Variants in CCDC187 observed in about 807,000 individuals in gnomAD.
The protein encoded by CCDC187 is coiled-coil domain-containing protein 187.
Under a neutral mutation model 38.0 loss-of-function variants are expected in CCDC187, and 32 were observed. That is an observed-to-expected ratio of 0.84 (90% CI 0.64 to 1.13). CCDC187 has a LOEUF of 1.13. CCDC187 is among the 50% of genes most tolerant of loss of function. CCDC187 has a pLI of 0.00. For synonymous variants in CCDC187, 333 were observed against 347.9 expected (o/e 0.96, Z 0.48); for missense variants, 707 against 786.8 (o/e 0.90, Z 1.21).
chr9:136,263,527 C>T, intron 18 of CCDC187, 95 bp downstream of exon 18: 2 of 919,690 alleles, frequency 2.2e-6, no homozygotes, highest in Non-Finnish European at 2.6e-6. Context: ...AGACACCGCG[C>T]CCGGCCCACA....
At position 136,297,822 on chromosome 9, in the gene CCDC187, C is replaced by T; in HGVS notation, c.725-1G>A. 1 of 339,022 alleles carries T rather than the reference C, an allele frequency of 2.9e-6. No individual in the cohort carries two copies. The highest frequency in any genetic ancestry group is 5.3e-6 in the Non-Finnish European group (1 of 187,994). The allele number at this position is 339,022 out of a possible 1,614,324, so 21.0% of individuals were successfully genotyped here. ...ACCCTTTTGGGTTTTTCCCTCAGAA[C>T]TTCAGTGAGGAAGAGAAAGGAAGGG... On this transcript the variant is annotated splice_acceptor_variant, in intron 3 of 25. Transcript: ENST00000638797. LOFTEE classifies it high-confidence loss of function.
At chr9:136,261,653 C>T (rs1257811927) in intron 19 of CCDC187, among the ~76,000 whole-genome samples, 7 of 152,222 alleles carry the variant, frequency 4.6e-5, no homozygotes, top group South Asian at 4.1e-4. Context: ...AGCCAATGGC[C>T]GAGCCTGAGT....
In CCDC187 at chr9:136,253,683, T is replaced by TGGCG; in HGVS notation, c.6141_6144dup (p.Ile2049ArgfsTer12). The TGGCG allele has an allele frequency of 1.0e-6, 1 of 985,462 alleles. No individual in the cohort carries two copies. The highest frequency in any genetic ancestry group is 1.2e-6 in the Non-Finnish European group (1 of 829,958). The allele number at this position is 985,462 out of a possible 1,614,324, so 61.0% of individuals were successfully genotyped here. A position where few individuals can be genotyped will look rare whatever the true frequency, so the allele number is the denominator to read the frequency against. On this transcript the variant is annotated frameshift_variant, in exon 26 of 26. Transcript: ENST00000638797. LOFTEE classifies it low-confidence loss of function (END_TRUNC). ...AAGGAGGACAAATCCTGGGTGGTGA[T>TGGCG]GGCGGTGTCCTCCTCAAGGGGCCCC...
rs1554759262 is a variant in CCDC187, at chr9:136,250,898, C to G, written c.*2696G>C. ...CTGGAGAGGGGCTCTTGCCTCACGG[C>G]AGGGGGCCCAAAGAGGTTCTAAGGG... On this transcript the variant is annotated 3_prime_UTR_variant, in exon 26 of 26. Coordinates refer to ENST00000638797, the MANE Select transcript of CCDC187 (RefSeq NM_001378188.1). The G allele has an allele frequency of 1.6e-5, 7 of 451,586 alleles. No individual in the cohort carries two copies. The highest frequency in any genetic ancestry group is 7.1e-5 in the Admixed American group (3 of 42,416). The allele number at this position is 451,586 out of a possible 1,614,324, so 28.0% of individuals were successfully genotyped here.
In CCDC187 at chr9:136,299,452, G is replaced by A. The variant is rs1039985437; in HGVS notation, c.724+768C>T. Reference sequence around the variant, plus strand: ...CCTGTGCTGAGCCCGAAACGCCTCCGCTCCCAAGCTCCCCATCCTTCATTC... The same window carrying A: ...CCTGTGCTGAGCCCGAAACGCCTCCACTCCCAAGCTCCCCATCCTTCATTC... On this transcript the variant is annotated intron_variant, in intron 3 of 25. Coordinates refer to ENST00000638797, the MANE Select transcript of CCDC187 (RefSeq NM_001378188.1). Among the ~76,000 whole-genome samples, 9 of 152,246 alleles carry A rather than the reference G, an allele frequency of 5.9e-5. No homozygotes were observed. The East Asian group carries it at 1.4e-3, about 23-fold the overall frequency.
chr9:136,265,845 G>T, intron 17 of CCDC187, 111 bp downstream of exon 17: 1 of 490,008 alleles, frequency 2.0e-6, no homozygotes, highest in Non-Finnish European at 2.7e-6. Context: ...GCAAGGGCTT[G>T]GGAATTCTTT....
At chr9:136,285,853 T>C in intron 8 of CCDC187, 2 of 397,158 alleles carry the variant, frequency 5.0e-6, no homozygotes, top group Non-Finnish European at 8.9e-6. Context: ...GCGGGTGCCA[T>C]GTGCCACACA....
chr9:136,293,425 T>TCACA (rs1377485932), intron 4 of CCDC187, among the ~76,000 whole-genome samples: 51,504 of 91,736 alleles, frequency 0.56, 14,693 homozygotes, highest in East Asian at 0.66. Context: ...GCTCACATAC[T>TCACA]CTCACATGCT....
chr9:136,294,777 G>A (rs1415341618), intron 4 of CCDC187, among the ~76,000 whole-genome samples: 3 of 152,194 alleles, frequency 2.0e-5, no homozygotes, highest in African/African-American at 4.8e-5. Flanking sequence ...CCATGGCCAC[G>A]GCCTCTCCAG....
upstream of CCDC187, chr9:136,304,132 G>T (rs1019797480): frequency 6.6e-6 from 1 of 152,386 alleles, no homozygotes; most frequent in African/African-American, 2.4e-5. Flanking sequence ...AGTTCCGGCT[G>T]GCCCCGTGAC....
At chr9:136,282,522 G>A (rs925184502) in intron 9 of CCDC187, among the ~76,000 whole-genome samples, 4,772 of 152,270 alleles carry the variant, frequency 0.031, 93 homozygotes, top group Middle Eastern at 0.082. Context: ...CTGCATCTGT[G>A]AGCACGGCTC....
intron 4 of CCDC187, among the ~76,000 whole-genome samples, chr9:136,293,951 T>C (rs891655088): frequency 1.2e-4 from 17 of 139,412 alleles, no homozygotes; most frequent in African/African-American, 4.0e-4. Flanking sequence ...CACACACACA[T>C]GCTCATATAC....
At chr9:136,293,172 T>G (rs1359403844) in intron 4 of CCDC187, among the ~76,000 whole-genome samples, 2 of 7,284 alleles carry the variant, frequency 2.7e-4, no homozygotes, top group African/African-American at 1.8e-3. Flanking sequence ...CACACTCACA[T>G]GCTCACACAC....
At chr9:136,285,469 AGGTG>A in intron 9 of CCDC187, 40 bp downstream of exon 9, 1 of 29,504 alleles carries the variant, frequency 3.4e-5, no homozygotes, top group Non-Finnish European at 7.5e-5. Flanking sequence ...GCAGGCGGGC[AGGTG>A]GGCAGGTGGG....
Position 136,260,225 on chromosome 9 carries a change from T to C in CCDC187, c.4104A>G (p.Thr1368=). The C allele has an allele frequency of 4.1e-6, 4 of 985,136 alleles. No homozygotes were observed. Among genetic ancestry groups the C allele is most frequent in the Non-Finnish European group, 4.8e-6 (4 of 829,948 alleles). The allele number at this position is 985,136 out of a possible 1,614,324, so 61.0% of individuals were successfully genotyped here. ...TEQQDVTPPQ[T]TSDADGHQQP... ...GCTGGTGACCATCTGCATCGGAGGTTGTCTGGGGTGGCGTCACATCCTGCT... is the reference window on the plus strand; with the variant it reads ...GCTGGTGACCATCTGCATCGGAGGTCGTCTGGGGTGGCGTCACATCCTGCT... Residue 1368 remains threonine, a synonymous_variant, in exon 20 of 26, where the codon ACA becomes ACG. Coordinates refer to ENST00000638797, the MANE Select transcript of CCDC187 (RefSeq NM_001378188.1).
chr9:136,284,724 G>A (rs968369189), intron 9 of CCDC187, among the ~76,000 whole-genome samples: 285 of 149,156 alleles, frequency 1.9e-3, no homozygotes, highest in African/African-American at 6.1e-3. Flanking sequence ...GTGGGGGGCA[G>A]GTGTGGAGGG....
intron 14 of CCDC187, among the ~76,000 whole-genome samples, chr9:136,273,085 G>A (rs1424291284): frequency 6.6e-6 from 1 of 152,158 alleles, no homozygotes; most frequent in Non-Finnish European, 1.5e-5. Context: ...AATCCAAAGG[G>A]AGGCAGAAAC....
intron 4 of CCDC187, among the ~76,000 whole-genome samples, chr9:136,296,778 C>G (rs1455170822): frequency 6.6e-6 from 1 of 152,226 alleles, no homozygotes; most frequent in Non-Finnish European, 1.5e-5. Flanking sequence ...TCTGCCCAGT[C>G]CTCAGCAGGG....
intron 4 of CCDC187, among the ~76,000 whole-genome samples, chr9:136,294,479 T>C (rs1217796818): frequency 6.6e-6 from 1 of 152,188 alleles, no homozygotes; most frequent in Non-Finnish European, 1.5e-5. Context: ...AAGACCACTG[T>C]GGAGTCTCAG....
Sources: allele counts gnomAD v4.1 joint callset (sites outside exome capture counted in the v4.1 genomes callset), GRCh38; gene constraint gnomAD v4.1.1; transcripts MANE v1.5; gene names NCBI Gene and HGNC (gene_info 2026-07-23, HGNC 2026-07-21).